CAPN8: variants seen among roughly 807,000 people sequenced by gnomAD.
CAPN8 encodes the protein calpain 8, also known as calpain-8.
CAPN8 carries 87 observed loss-of-function variants against 80.9 expected under a neutral mutation model. That is an observed-to-expected ratio of 1.07 (90% CI 0.90 to 1.28). CAPN8 has a LOEUF of 1.28. Among genes scored for constraint, CAPN8 ranks in the 50% most tolerant of loss-of-function variants. The probability of loss-of-function intolerance (pLI) is 0.00; values close to 1 mark genes in which losing one functional copy is unlikely to be tolerated. For missense variants in CAPN8, 757 were observed against 702.0 expected, an observed-to-expected ratio of 1.08 and a Z score of -0.89; for synonymous variants, 299 against 273.8, an observed-to-expected ratio of 1.09 and a Z score of -0.91.
At chr1:223,659,125 C>CCTCTGATG (rs1227821775) in intron 1 of CAPN8, among the ~76,000 whole-genome samples, 1 of 152,200 alleles carries the variant, frequency 6.6e-6, no homozygotes, top group African/African-American at 2.4e-5. Context: ...CTAGGATCAG[C>CCTCTGATG]CTCTGATGAC....
chr1:223,655,973 A>G (rs2102737175), intron 1 of CAPN8, among the ~76,000 whole-genome samples: 1 of 152,264 alleles, frequency 6.6e-6, no homozygotes, highest in Middle Eastern at 3.4e-3. Flanking sequence ...GAAAGGGCAG[A>G]TCAGAAAGGA....
chr1:223,664,899 C>T (rs943300977), intron 1 of CAPN8, among the ~76,000 whole-genome samples: 1 of 152,040 alleles, frequency 6.6e-6, no homozygotes, highest in Non-Finnish European at 1.5e-5. Context: ...GTGATCGCAC[C>T]ACTGCACTCC....
At chr1:223,558,701 G>T (rs1656958408) in intron 12 of CAPN8, among the ~76,000 whole-genome samples, 2 of 151,762 alleles carry the variant, frequency 1.3e-5, no homozygotes, top group Non-Finnish European at 1.5e-5. Context: ...TGGTGTGTGT[G>T]AATGGTGTAC....
At chr1:223,654,733 T>A (rs1658432941) in intron 1 of CAPN8, among the ~76,000 whole-genome samples, 1 of 152,240 alleles carries the variant, frequency 6.6e-6, no homozygotes, top group East Asian at 1.9e-4. Context: ...TGGAGTGCAG[T>A]GGCATGATCT....
intron 4 of CAPN8, 37 bp from the exon 5 acceptor site, chr1:223,627,194 C>A: frequency 1.3e-6 from 2 of 1,548,000 alleles, no homozygotes; most frequent in Admixed American, 2.0e-5. Flanking sequence ...CCATTAGCAC[C>A]CTCAGCAAGG....
intron 2 of CAPN8, among the ~76,000 whole-genome samples, chr1:223,652,025 T>G (rs1228281453): frequency 6.6e-6 from 1 of 152,226 alleles, no homozygotes; most frequent in Non-Finnish European, 1.5e-5. Flanking sequence ...CCGGGTGCCT[T>G]TCAGTTGCTT....
At chr1:223,647,025 A>T in intron 2 of CAPN8, among the ~76,000 whole-genome samples, 1 of 151,868 alleles carries the variant, frequency 6.6e-6, no homozygotes, top group Non-Finnish European at 1.5e-5. Context: ...GCCACCTCTC[A>T]TAAGGTTCAG....
rs189736783 is a variant in CAPN8, at chr1:223,550,729, C to T, written c.1699+231G>A. 1.5e-3 allele frequency among the ~76,000 whole-genome samples: 230 copies of T among 152,172 alleles called. 1 individual carries two copies. The highest frequency in any genetic ancestry group is 5.3e-3 in the African/African-American group (222 of 41,554). ...CTATGGAGCTTTGTTCCTTCAGGTG[C>T]TGGCTGCTTGCCAGCACCAGCCCCG... On this transcript the variant is annotated intron_variant, in intron 15 of 20. Transcript: ENST00000366872.
Position 223,644,709 on chromosome 1 carries a change from G to T in CAPN8, c.307+9621C>A, listed in dbSNP as rs551628675. On this transcript the variant is annotated intron_variant, in intron 2 of 20. Transcript: ENST00000366872. ...GGGAAGGTCTCCCGGCTCCTGCATG[G>T]CAACATCCAGCTCGAGCTAGGTGAT... Among the ~76,000 whole-genome samples, 6 of 152,228 alleles carry T rather than the reference G, an allele frequency of 3.9e-5. No homozygotes were observed. In the South Asian group the frequency reaches 1.2e-3, roughly 32 times the overall value.
At chr1:223,619,799 C>T (rs911001622) in intron 8 of CAPN8, among the ~76,000 whole-genome samples, 3 of 152,270 alleles carry the variant, frequency 2.0e-5, no homozygotes, top group Middle Eastern at 3.4e-3. Context: ...TTGTTTAATT[C>T]GGAGTGATGT....
chr1:223,615,492 G>A (rs572588910), intron 10 of CAPN8, among the ~76,000 whole-genome samples: 6 of 152,188 alleles, frequency 3.9e-5, no homozygotes, highest in Non-Finnish European at 2.9e-5. Flanking sequence ...AAATGGGCAC[G>A]TGGTTTCCAT....
At chr1:223,551,551 A>T (rs1275658468) in intron 14 of CAPN8, among the ~76,000 whole-genome samples, 1 of 152,216 alleles carries the variant, frequency 6.6e-6, no homozygotes, top group East Asian at 1.9e-4. Context: ...AGTGTGGTAC[A>T]CACCGTGGCA....
rs1571749363 is a variant in CAPN8, at chr1:223,665,437, A to G, written c.210T>C (p.Thr70=). ...YKDLGPGSPQ[T]QGIIWKRPTE... is the part of the protein sequence containing the mutation. ...TGGGCCGCTTCCAGATGATGCCTTGAGTTTGCGGAGAGCCTGGTCCAAGAT... is the reference window on the plus strand; with the variant it reads ...TGGGCCGCTTCCAGATGATGCCTTGGGTTTGCGGAGAGCCTGGTCCAAGAT... Residue 70 remains threonine, a synonymous_variant, in exon 1 of 21, where the codon ACT becomes ACC. Transcript: ENST00000366872. The G allele has an allele frequency of 6.4e-7, 1 of 1,552,006 alleles. No individual in the cohort carries two copies. The highest frequency in any genetic ancestry group is 8.7e-7 in the Non-Finnish European group (1 of 1,146,958).
Position 223,627,174 on chromosome 1 carries a change from A to G in CAPN8, c.561-17T>C. ...CCATTAAGCCTATTGGAAAAGAAAGAACACATGCTCCATTAGCACCCTCAG... is the reference window on the plus strand; with the variant it reads ...CCATTAAGCCTATTGGAAAAGAAAGGACACATGCTCCATTAGCACCCTCAG... On this transcript the variant is annotated splice_polypyrimidine_tract_variant and intron_variant, in intron 4 of 20. Coordinates refer to ENST00000366872, the MANE Select transcript of CAPN8 (RefSeq NM_001143962.2). 6.4e-7 allele frequency: 1 copy of G among 1,551,888 alleles called. No homozygotes were observed. Among genetic ancestry groups the G allele is most frequent in the Non-Finnish European group, 8.7e-7 (1 of 1,146,806 alleles).
Position 223,646,992 on chromosome 1 carries a change from C to T in CAPN8, c.307+7338G>A, listed in dbSNP as rs1658209645. Among the ~76,000 whole-genome samples the T allele has an allele frequency of 2.6e-5, 4 of 152,206 alleles. No homozygotes were observed. In the South Asian group the frequency reaches 8.3e-4, roughly 32 times the overall value. On this transcript the variant is annotated intron_variant, in intron 2 of 20. Transcript: ENST00000366872. ...CTCAGCCAAGCGGGAGCTCAGAGAG[C>T]ACCCCCTGGCCTGGCACCACCTGCC...
At chr1:223,549,471 C>T (rs61825161) in intron 15 of CAPN8, 89 bp from the exon 16 acceptor site, 26 of 1,539,136 alleles carry the variant, frequency 1.7e-5, no homozygotes, top group Non-Finnish European at 2.0e-5. Context: ...TCCAAAGATA[C>T]CATCCAAGGG....
intron 19 of CAPN8, among the ~76,000 whole-genome samples, chr1:223,543,503 G>A (rs1376870897): frequency 7.2e-5 from 11 of 152,124 alleles, no homozygotes. Context: ...TCTTGCTTGT[G>A]GGTAATCCAG....
chr1:223,554,629 A>G (rs1656865815), intron 13 of CAPN8, among the ~76,000 whole-genome samples: 2 of 152,324 alleles, frequency 1.3e-5, no homozygotes, highest in South Asian at 2.1e-4. Context: ...AGATTCACGA[A>G]GAGCAACATG....
chr1:223,629,232 T>TGTGTGTGTGTGTGTGTG (rs68132305), intron 2 of CAPN8, among the ~76,000 whole-genome samples: 3,312 of 132,466 alleles, frequency 0.025, 72 homozygotes, highest in Middle Eastern at 0.032. Context: ...GTGTGTGTGT[T>TGTGTGTGTGTGTGTGTG]TATGTTCCTT....
Sources: allele counts gnomAD v4.1 joint callset (sites outside exome capture counted in the v4.1 genomes callset), GRCh38; gene constraint gnomAD v4.1.1; transcripts MANE v1.5; gene names NCBI Gene and HGNC (gene_info 2026-07-23, HGNC 2026-07-21).